ITPR1: variants seen among roughly 807,000 people sequenced by gnomAD.
The protein encoded by ITPR1 is inositol 1,4,5-trisphosphate-gated calcium channel ITPR1.
A neutral mutation model predicts 318.4 loss-of-function variants in ITPR1; 96 were observed. That is an observed-to-expected ratio of 0.30 (90% CI 0.26 to 0.36). The LOEUF (loss-of-function observed/expected upper bound fraction) is 0.36, where lower values mean the gene tolerates loss of function less well. Ranked by LOEUF, ITPR1 falls within the 10% of genes least tolerant of loss-of-function variation. The pLI, the probability that ITPR1 is intolerant of heterozygous loss-of-function variation, is 1.00. For synonymous variants in ITPR1, 1,312 were observed against 1,289.9 expected, an observed-to-expected ratio of 1.02 and a Z score of -0.37; for missense variants, 2,440 against 3,460.2, an observed-to-expected ratio of 0.71 and a Z score of 7.40.
chr3:4,536,237 C>G (rs936281848), intron 4 of ITPR1, among the ~76,000 whole-genome samples: 9 of 152,116 alleles, frequency 5.9e-5, no homozygotes, highest in Admixed American at 5.9e-4. Context: ...TGTTGTATCT[C>G]TTTGTCAATT....
chr3:4,534,050 G>A (rs1206033082), intron 4 of ITPR1, among the ~76,000 whole-genome samples: 1 of 152,228 alleles, frequency 6.6e-6, no homozygotes, highest in East Asian at 1.9e-4. Context: ...AGCCTGCCAA[G>A]TGGCATTCTC....
chr3:4,835,526 C>T (rs900674488), intron 60 of ITPR1, among the ~76,000 whole-genome samples: 2 of 152,202 alleles, frequency 1.3e-5, no homozygotes, highest in Non-Finnish European at 2.9e-5. Context: ...CCGACCCCCA[C>T]GGTGTACACA....
At chr3:4,574,436 G>T (rs191465248) in intron 4 of ITPR1, among the ~76,000 whole-genome samples, 2 of 152,302 alleles carry the variant, frequency 1.3e-5, no homozygotes, top group East Asian at 1.9e-4. Context: ...AGGGGAGATG[G>T]TCGGTTGACA....
intron 4 of ITPR1, among the ~76,000 whole-genome samples, chr3:4,536,540 C>T (rs894125483): frequency 1.3e-5 from 2 of 152,136 alleles, no homozygotes; most frequent in African/African-American, 4.8e-5. Context: ...TGCTCCCTGC[C>T]CTTAAGGAAT....
chr3:4,768,858 G>C (rs1053456895), intron 46 of ITPR1, 94 bp downstream of exon 46: 6 of 1,227,834 alleles, frequency 4.9e-6, no homozygotes, highest in African/African-American at 1.5e-5. Context: ...ACTTGGGCCA[G>C]ATTGCTTGAG....
chr3:4,782,847 G>C, intron 50 of ITPR1, 106 bp downstream of exon 50: 1 of 1,093,142 alleles, frequency 9.1e-7, no homozygotes, highest in Non-Finnish European at 1.2e-6. Context: ...CTTTAACCTA[G>C]GACTGTCTGT....
intron 4 of ITPR1, among the ~76,000 whole-genome samples, chr3:4,550,128 A>G (rs1488540060): frequency 6.6e-6 from 1 of 151,688 alleles, no homozygotes; most frequent in East Asian, 1.9e-4. Context: ...GTTGTCTGCT[A>G]ACAGCTTGGC....
intron 37 of ITPR1, among the ~76,000 whole-genome samples, chr3:4,708,261 G>A (rs544134145): frequency 7.3e-5 from 11 of 151,722 alleles, no homozygotes; most frequent in African/African-American, 2.4e-4. Flanking sequence ...TTTTCTTAGC[G>A]TCTACCAAGA....
chr3:4,619,774 TC>T (rs1427201307), intron 4 of ITPR1, among the ~76,000 whole-genome samples: 15 of 103,508 alleles, frequency 1.4e-4, no homozygotes, highest in African/African-American at 3.3e-4. Flanking sequence ...TCTTCTGCCC[TC>T]CCCTGCTCTC....
In ITPR1 at chr3:4,697,278, G is replaced by A. The variant is rs1433528297; in HGVS notation, c.4407+6G>A. On this transcript the variant is annotated splice_donor_region_variant and intron_variant, in intron 34 of 61. Transcript: ENST00000649015. ...TCCTTGTAGACATCTGCAGGGTAAGGCTTTTGGAACTGAGGAGGCAGAGTT... is the reference window on the plus strand; with the variant it reads ...TCCTTGTAGACATCTGCAGGGTAAGACTTTTGGAACTGAGGAGGCAGAGTT... 15 of 1,548,100 alleles carry A rather than the reference G, an allele frequency of 9.7e-6. No individual in the cohort carries two copies. The highest frequency in any genetic ancestry group is 1.4e-5 in the African/African-American group (1 of 72,762).
At chr3:4,669,327 G>T (rs769761844) in intron 18 of ITPR1, among the ~76,000 whole-genome samples, 2 of 152,186 alleles carry the variant, frequency 1.3e-5, no homozygotes, top group African/African-American at 2.4e-5. Context: ...ACATCAGGGC[G>T]TTGCCTCTCA....
At chr3:4,498,639 G>C (rs553676928) in intron 2 of ITPR1, among the ~76,000 whole-genome samples, 7 of 152,310 alleles carry the variant, frequency 4.6e-5, no homozygotes, top group African/African-American at 1.7e-4. Context: ...ATGGGAACTC[G>C]ATAGGGGGTA....
chr3:4,694,771 T>C (rs759017634), intron 33 of ITPR1, among the ~76,000 whole-genome samples: 12 of 152,244 alleles, frequency 7.9e-5, no homozygotes, highest in Non-Finnish European at 1.5e-4. Flanking sequence ...AGACCCATCA[T>C]TGACCAAAAT....
At chr3:4,650,230 A>G (rs554321077) in intron 10 of ITPR1, among the ~76,000 whole-genome samples, 104 of 152,268 alleles carry the variant, frequency 6.8e-4, no homozygotes, top group Middle Eastern at 6.8e-3. Flanking sequence ...TATGTTCTCA[A>G]GGTTCTTGGG....
chr3:4,635,563 T>C (rs979342275), intron 5 of ITPR1, among the ~76,000 whole-genome samples: 17 of 152,118 alleles, frequency 1.1e-4, no homozygotes, highest in Admixed American at 5.2e-4. Flanking sequence ...GCCAGGATGG[T>C]CTCGATCTCC....
intron 3 of ITPR1, among the ~76,000 whole-genome samples, chr3:4,518,069 A>G (rs1418736051): frequency 1.3e-5 from 2 of 152,214 alleles, no homozygotes; most frequent in African/African-American, 2.4e-5. Flanking sequence ...CACAGCTCAG[A>G]AAATTCCAGA....
At chr3:4,578,676 C>T (rs898292804) in intron 4 of ITPR1, among the ~76,000 whole-genome samples, 2 of 152,156 alleles carry the variant, frequency 1.3e-5, no homozygotes, top group Non-Finnish European at 2.9e-5. Flanking sequence ...CTCCAACCAA[C>T]GTTTGTGTAT....
intron 40 of ITPR1, among the ~76,000 whole-genome samples, chr3:4,718,603 C>A (rs2041933365): frequency 1.3e-5 from 2 of 152,208 alleles, no homozygotes; most frequent in South Asian, 4.1e-4. Flanking sequence ...GTGACTAAAT[C>A]AGGACAAACA....
rs2041263970 is a variant in ITPR1, at chr3:4,710,373, G to C, written c.4891G>C (p.Glu1631Gln). The change falls in exon 38 of 62, where the codon GAG becomes CAG. Residue 1631 changes from glutamate (E) to glutamine (Q), a missense_variant. By Grantham distance (29) the Glu-to-Gln change is conservative (BLOSUM62 2). This residue lies in a region of ITPR1 where 166 missense variants were observed against 246.5 expected (regional missense o/e 0.67). Coordinates refer to ENST00000649015, the MANE Select transcript of ITPR1 (RefSeq NM_001378452.1). The surrounding 1 kb of genome is among the most constrained non-coding windows in gnomAD (Gnocchi z 4.2). Reference protein sequence around the residue: ...EDRLRPLVQAELSVLVDVLHR... With the variant: ...EDRLRPLVQAQLSVLVDVLHR... ...CCGTCTCAGGCCCCTGGTGCAGGCA[G>C]AGTTATCTGTGCTCGTGGATGTTCT... 3 of 1,568,510 alleles carry C rather than the reference G, an allele frequency of 1.9e-6. No homozygotes were observed. Among genetic ancestry groups the C allele is most frequent in the Non-Finnish European group, 2.6e-6 (3 of 1,155,568 alleles).
Sources: gnomAD v4.1 joint callset for allele counts (sites outside exome capture counted in the v4.1 genomes callset) on GRCh38, gnomAD v4.1.1 for gene constraint, gnomAD v4.1.1 regional missense constraint, Gnocchi (gnomAD v3.1) non-coding constraint, MANE v1.5 for transcripts, NCBI Gene and HGNC (gene_info 2026-07-23, HGNC 2026-07-21) for gene names.